The following RCOR3 variants were observed in gnomAD, a reference collection of about 807,000 sequenced individuals.
RCOR3 encodes the protein REST corepressor 3.
A neutral mutation model predicts 64.1 loss-of-function variants in RCOR3; 13 were observed. The observed-to-expected ratio is 0.20, with a 90% CI of 0.13 to 0.32. RCOR3 has a LOEUF of 0.32. Ranked by LOEUF, RCOR3 falls within the 10% of genes least tolerant of loss-of-function variation. The pLI, the probability that RCOR3 is intolerant of heterozygous loss-of-function variation, is 1.00. For missense variants in RCOR3, 489 were observed against 701.2 expected (o/e 0.70, Z 3.42); for synonymous variants, 215 against 239.0 (o/e 0.90, Z 0.93).
At chr1:211,293,968 G>A (rs555530889) in intron 8 of RCOR3, among the ~76,000 whole-genome samples, 3 of 152,288 alleles carry the variant, frequency 2.0e-5, no homozygotes, top group South Asian at 2.1e-4. Context: ...AATTCAGGTT[G>A]TATCTCCTAG....
At chr1:211,273,369 C>T (rs778399235) in intron 3 of RCOR3, among the ~76,000 whole-genome samples, 29 of 152,196 alleles carry the variant, frequency 1.9e-4, no homozygotes, top group African/African-American at 5.1e-4. Context: ...AGCAATAAGC[C>T]GATAATCAAA....
At chr1:211,294,099 G>A (rs1203420109) in intron 8 of RCOR3, among the ~76,000 whole-genome samples, 2 of 152,170 alleles carry the variant, frequency 1.3e-5, no homozygotes, top group Non-Finnish European at 2.9e-5. Flanking sequence ...TCCTAATGCA[G>A]TTAATATACT....
rs528354001 is a variant in RCOR3, at chr1:211,288,484, TATAA to T, written c.721-690_721-687del. Among the ~76,000 whole-genome samples, 596 of 109,250 alleles carry T rather than the reference TATAA, an allele frequency of 5.5e-3. 5 individuals are homozygous for T. Among genetic ancestry groups the T allele is most frequent in the African/African-American group, 0.019 (553 of 29,486 alleles). The allele number at this position is 109,250 out of a possible 152,430, so 71.7% of individuals were successfully genotyped here. ...ATTACATTTTATTTATAAATAAATT[TATAA>T]ATATTTATAAATTATTTTATAAATA... On this transcript the variant is annotated intron_variant, in intron 7 of 11. Transcript: ENST00000419091.
intron 10 of RCOR3, among the ~76,000 whole-genome samples, chr1:211,308,518 A>C (rs1200511859): frequency 6.6e-6 from 1 of 152,142 alleles, no homozygotes; most frequent in Non-Finnish European, 1.5e-5. Flanking sequence ...ATTATTTCAA[A>C]AATATATTTT....
intron 10 of RCOR3, among the ~76,000 whole-genome samples, chr1:211,311,563 T>C (rs1168776688): frequency 1.3e-5 from 2 of 152,154 alleles, no homozygotes; most frequent in African/African-American, 4.8e-5. Context: ...TCATATTAAT[T>C]GGTATTGGTA....
chr1:211,290,130 AT>A (rs1257048948), intron 8 of RCOR3, among the ~76,000 whole-genome samples: 2 of 151,892 alleles, frequency 1.3e-5, no homozygotes, highest in African/African-American at 2.4e-5. Flanking sequence ...CTGTTTTGTT[AT>A]TTTTTTCTTA....
intron 7 of RCOR3, among the ~76,000 whole-genome samples, chr1:211,282,055 G>A (rs895718535): frequency 6.6e-6 from 1 of 152,060 alleles, no homozygotes; most frequent in Non-Finnish European, 1.5e-5. Flanking sequence ...ATATATGTAT[G>A]TATATATGTA....
At chr1:211,271,705 G>A (rs1336961301) in intron 3 of RCOR3, 3 of 333,020 alleles carry the variant, frequency 9.0e-6, no homozygotes, top group Non-Finnish European at 1.8e-5. Flanking sequence ...GAGGAAAGGG[G>A]AAAGAACTGA....
Position 211,276,389 on chromosome 1 carries a change from G to A in RCOR3, c.487G>A (p.Gly163Arg). 6.2e-7 allele frequency: 1 copy of A among 1,613,032 alleles called. No homozygotes were observed. Among genetic ancestry groups the A allele is most frequent in the Non-Finnish European group, 8.5e-7 (1 of 1,179,386 alleles). ...ATTTGAACAAGCCTTTAGTTTTCAT[G>A]GAAAGAGCTTTCACAGGATTCAGCA... ...VLFEQAFSFH[G>R]KSFHRIQQML... The change falls in exon 5 of 12, where the codon GGA becomes AGA. Residue 163 changes from glycine (G) to arginine (R), a missense_variant. By Grantham distance (125) the Gly-to-Arg change is moderately radical. Transcript: ENST00000419091.
At chr1:211,280,528 C>T (rs1003097862) in intron 7 of RCOR3, among the ~76,000 whole-genome samples, 1 of 152,214 alleles carries the variant, frequency 6.6e-6, no homozygotes, top group Non-Finnish European at 1.5e-5. Context: ...ATCCCTCTCT[C>T]ACAGTAAGAA....
At chr1:211,278,413 C>T (rs1697315260) in intron 6 of RCOR3, among the ~76,000 whole-genome samples, 172 bp downstream of exon 6, 2 of 152,132 alleles carry the variant, frequency 1.3e-5, no homozygotes, top group South Asian at 4.1e-4. Context: ...ATATTAAGAG[C>T]TCTTTCACCT....
chr1:211,309,492 G>A (rs1369219378), intron 10 of RCOR3, among the ~76,000 whole-genome samples: 1 of 152,138 alleles, frequency 6.6e-6, no homozygotes, highest in Non-Finnish European at 1.5e-5. Context: ...AAGCCAAGTT[G>A]TTTCATTGTA....
chr1:211,279,097 G>C, intron 6 of RCOR3, 141 bp from the exon 7 acceptor site: 1 of 508,294 alleles, frequency 2.0e-6, no homozygotes, highest in South Asian at 2.6e-5. Context: ...TGAGGTGAGA[G>C]AATCGCTTGA....
chr1:211,284,313 C>A (rs1243316871), intron 7 of RCOR3, among the ~76,000 whole-genome samples: 2 of 152,062 alleles, frequency 1.3e-5, no homozygotes, highest in Non-Finnish European at 2.9e-5. Flanking sequence ...ATCTCCTGAC[C>A]TTGTGATGCA....
At chr1:211,284,681 C>G (rs566706548) in intron 7 of RCOR3, among the ~76,000 whole-genome samples, 34 of 152,236 alleles carry the variant, frequency 2.2e-4, no homozygotes, top group African/African-American at 7.9e-4. Context: ...CCACACCCAG[C>G]TAATTTTTTA....
Position 211,267,707 on chromosome 1 carries a change from T to G in RCOR3, c.224-3525T>G. 1.6e-5 allele frequency: 4 copies of G among 248,148 alleles called. 1 individual carries two copies. The highest frequency in any genetic ancestry group is 1.4e-4 in the South Asian group (4 of 28,070). The allele number at this position is 248,148 out of a possible 1,614,324, so 15.4% of individuals were successfully genotyped here. On this transcript the variant is annotated intron_variant, in intron 2 of 11. Transcript: ENST00000419091. Reference sequence around the variant, plus strand: ...CCTGGGCTCAGGCGATCCTCCCACCTCAGCCTCTTGAGTAGTTGGGACTAC... The same window carrying G: ...CCTGGGCTCAGGCGATCCTCCCACCGCAGCCTCTTGAGTAGTTGGGACTAC...
chr1:211,289,091 G>A (rs1021613702), intron 7 of RCOR3, 87 bp from the exon 8 acceptor site: 28 of 981,180 alleles, frequency 2.9e-5, no homozygotes, highest in Non-Finnish European at 4.5e-5. Context: ...ACTTATTGCA[G>A]CAGATACTTC....
Position 211,312,399 on chromosome 1 carries a change from G to A in RCOR3, c.1076-321G>A. 2.0e-6 allele frequency: 1 copy of A among 490,992 alleles called. No individual in the cohort carries two copies. The highest frequency in any genetic ancestry group is 4.0e-6 in the Non-Finnish European group (1 of 250,046). The allele number at this position is 490,992 out of a possible 1,614,324, so 30.4% of individuals were successfully genotyped here. ...ATAAATGAATGTGGAATTGAGGATG[G>A]AACAAAGAATTCAATGCTTTACAAT... On this transcript the variant is annotated intron_variant, in intron 10 of 11. Coordinates refer to ENST00000419091, the MANE Select transcript of RCOR3 (RefSeq NM_001136223.3). The surrounding 1 kb of genome is among the most constrained non-coding windows in gnomAD (Gnocchi z 5.0).
intron 8 of RCOR3, among the ~76,000 whole-genome samples, chr1:211,293,809 G>A (rs966648784): frequency 2.6e-5 from 4 of 152,096 alleles, no homozygotes; most frequent in Non-Finnish European, 5.9e-5. Flanking sequence ...GATCTCTAGT[G>A]AAAATAGTTC....
Sources: allele counts gnomAD v4.1 joint callset (sites outside exome capture counted in the v4.1 genomes callset), GRCh38; gene constraint gnomAD v4.1.1; non-coding constraint Gnocchi (gnomAD v3.1); transcripts MANE v1.5; gene names NCBI Gene and HGNC (gene_info 2026-07-23, HGNC 2026-07-21).